Variants in CCDC148 observed in about 807,000 individuals in gnomAD.
CCDC148 encodes coiled-coil domain-containing protein 148.
Under a neutral mutation model 85.7 loss-of-function variants are expected in CCDC148, and 89 were observed. The observed-to-expected ratio is 1.04, with a 90% CI of 0.87 to 1.24. CCDC148 has a LOEUF of 1.24. Among genes scored for constraint, CCDC148 ranks in the 50% most tolerant of loss-of-function variants. The pLI is 0.00. For synonymous variants in CCDC148, 230 were observed against 213.9 expected (o/e 1.08, Z -0.66); for missense variants, 692 against 671.7 (o/e 1.03, Z -0.33).
At chr2:158,308,027 A>C (rs1691779517) in intron 9 of CCDC148, among the ~76,000 whole-genome samples, 1 of 152,160 alleles carries the variant, frequency 6.6e-6, no homozygotes, top group South Asian at 2.1e-4. Flanking sequence ...CTTTATCAAG[A>C]CACTTGCATT....
intron 1 of CCDC148, chr2:158,425,054 G>T (rs902132950): frequency 1.8e-5 from 8 of 449,428 alleles, no homozygotes; most frequent in African/African-American, 1.4e-4. Context: ...GCCCTAGGGG[G>T]TCGTGACCAA....
At chr2:158,399,999 G>A (rs1388845870) in intron 1 of CCDC148, among the ~76,000 whole-genome samples, 4 of 152,226 alleles carry the variant, frequency 2.6e-5, no homozygotes, top group East Asian at 1.9e-4. Flanking sequence ...CAAGGGATGT[G>A]AAGGACCTCT....
chr2:158,174,664 T>C (rs56167833), intron 13 of CCDC148, among the ~76,000 whole-genome samples: 73,989 of 151,770 alleles, frequency 0.49, 18,791 homozygotes, highest in Non-Finnish European at 0.56. Flanking sequence ...GCTCCTAGGC[T>C]ACAGCCTGTA....
In CCDC148 at chr2:158,250,912, C is replaced by A. The variant is rs1248185652; in HGVS notation, c.1111G>T (p.Val371Phe). 6.3e-7 allele frequency: 1 copy of A among 1,592,894 alleles called. No homozygotes were observed. Among genetic ancestry groups the A allele is most frequent in the Non-Finnish European group, 8.5e-7 (1 of 1,174,734 alleles). The change falls in exon 10 of 14, where the codon GTT becomes TTT. Residue 371 changes from valine to phenylalanine, a missense_variant and splice_region_variant. Coordinates refer to ENST00000283233, the MANE Select transcript of CCDC148 (RefSeq NM_138803.4). Reference sequence around the variant, plus strand: ...TCTTGGTGGGCTCGCCATTGACGAACCTGAAATAAAGAGAAAAACTTCATT... The same window carrying A: ...TCTTGGTGGGCTCGCCATTGACGAAACTGAAATAAAGAGAAAAACTTCATT... ...QELCADLKAK[V>F]RQWRAHQEEV...
intron 1 of CCDC148, among the ~76,000 whole-genome samples, chr2:158,438,544 C>A (rs373213643): frequency 1.3e-5 from 2 of 152,162 alleles, no homozygotes; most frequent in Non-Finnish European, 2.9e-5. Flanking sequence ...CTAGGCAATA[C>A]CATTCAGGAC....
intron 9 of CCDC148, among the ~76,000 whole-genome samples, chr2:158,271,995 G>GCATTAATT (rs1208100975): frequency 6.6e-6 from 1 of 152,108 alleles, no homozygotes; most frequent in African/African-American, 2.4e-5. Flanking sequence ...GTGACAAGTT[G>GCATTAATT]CATTAATTCA....
At chr2:158,435,017 T>C in intron 1 of CCDC148, among the ~76,000 whole-genome samples, 1 of 152,160 alleles carries the variant, frequency 6.6e-6, no homozygotes, top group Non-Finnish European at 1.5e-5. Flanking sequence ...TACCTGAAAG[T>C]GACGGGGAGA....
intron 1 of CCDC148, among the ~76,000 whole-genome samples, chr2:158,449,873 T>C (rs977542852): frequency 2.6e-4 from 39 of 152,376 alleles, no homozygotes; most frequent in African/African-American, 6.7e-4. Flanking sequence ...TTGGTATTCA[T>C]AGATGCACTT....
At chr2:158,255,682 G>C (rs1222797581) in intron 9 of CCDC148, among the ~76,000 whole-genome samples, 1 of 151,720 alleles carries the variant, frequency 6.6e-6, no homozygotes, top group African/African-American at 2.4e-5. Context: ...CATTTTAGTA[G>C]TTTTATTTTA....
At chr2:158,424,483 C>A (rs544075235) in intron 1 of CCDC148, among the ~76,000 whole-genome samples, 10 of 151,954 alleles carry the variant, frequency 6.6e-5, no homozygotes, top group South Asian at 2.1e-4. Context: ...AACCAAACAC[C>A]GCATGTTCTC....
At chr2:158,392,687 T>C (rs138794600) in intron 1 of CCDC148, among the ~76,000 whole-genome samples, 10 of 152,280 alleles carry the variant, frequency 6.6e-5, no homozygotes, top group Admixed American at 3.9e-4. Context: ...TGTATTACTA[T>C]ATTACTTTCA....
intron 9 of CCDC148, among the ~76,000 whole-genome samples, chr2:158,294,002 C>CTCCCTCCCTCCCTCCCTCCCTCCCTCCT (rs1691035887): frequency 6.6e-5 from 1 of 15,240 alleles, no homozygotes; most frequent in African/African-American, 3.2e-4. Context: ...CCCTCCCTCC[C>CTCCCTCCCTCCCTCCCTCCCTCCCTCCT]TCCTTCCTTC....
chr2:158,308,600 T>G (rs1376902900), intron 9 of CCDC148, among the ~76,000 whole-genome samples: 3 of 152,254 alleles, frequency 2.0e-5, no homozygotes, highest in Non-Finnish European at 4.4e-5. Flanking sequence ...AATTTTTTGT[T>G]GCACCATCAT....
intron 10 of CCDC148, among the ~76,000 whole-genome samples, chr2:158,223,868 GA>G (rs1002557086): frequency 6.6e-6 from 1 of 152,268 alleles, no homozygotes; most frequent in African/African-American, 2.4e-5. Context: ...CAAAGATGGG[GA>G]AAAAACAGAG....
At chr2:158,281,873 C>A (rs536604680) in intron 9 of CCDC148, among the ~76,000 whole-genome samples, 6 of 152,056 alleles carry the variant, frequency 3.9e-5, no homozygotes, top group Non-Finnish European at 7.4e-5. Flanking sequence ...ATGCAAAAAT[C>A]CTCAATAAAA....
intron 9 of CCDC148, among the ~76,000 whole-genome samples, chr2:158,303,067 A>C (rs775165371): frequency 1.3e-5 from 2 of 152,178 alleles, no homozygotes; most frequent in Non-Finnish European, 2.9e-5. Context: ...AGAGAAAGAG[A>C]GCACGAGAGC....
chr2:158,271,485 G>C (rs1689696768), intron 9 of CCDC148, among the ~76,000 whole-genome samples: 1 of 152,114 alleles, frequency 6.6e-6, no homozygotes. Context: ...GCACATCCAT[G>C]CTGTATGCAC....
At chr2:158,332,890 A>ACT (rs1553507125) in intron 7 of CCDC148, among the ~76,000 whole-genome samples, 1 of 150,818 alleles carries the variant, frequency 6.6e-6, no homozygotes, top group African/African-American at 2.4e-5. Context: ...CCCCTATAAC[A>ACT]TGTTTTTTTG....
chr2:158,329,240 C>G (rs1181126341), intron 7 of CCDC148, among the ~76,000 whole-genome samples: 2 of 152,176 alleles, frequency 1.3e-5, no homozygotes, highest in Non-Finnish European at 2.9e-5. Context: ...TATGGCTAGC[C>G]AGTTTTCCCA....
Sources: allele counts gnomAD v4.1 joint callset (sites outside exome capture counted in the v4.1 genomes callset), GRCh38; gene constraint gnomAD v4.1.1; transcripts MANE v1.5; gene names NCBI Gene and HGNC (gene_info 2026-07-23, HGNC 2026-07-21).